The following PTPRG variants were observed in gnomAD, a reference collection of about 807,000 sequenced individuals.
The protein encoded by PTPRG is receptor-type tyrosine-protein phosphatase gamma.
PTPRG carries 102 observed loss-of-function variants against 165.3 expected under a neutral mutation model. The ratio of observed to expected loss-of-function variants is 0.62; its 90% CI spans 0.53 to 0.73. The LOEUF (loss-of-function observed/expected upper bound fraction) is 0.73. Ranked by LOEUF, PTPRG falls within the 30% of genes least tolerant of loss-of-function variation. The pLI, the probability that PTPRG is intolerant of heterozygous loss-of-function variation, is 0.00. For missense variants in PTPRG, 1,866 were observed against 1,861.4 expected, an observed-to-expected ratio of 1.00 and a Z score of -0.05; for synonymous variants, 675 against 669.5, an observed-to-expected ratio of 1.01 and a Z score of -0.13.
At chr3:61,899,999 C>T (rs2038457671) in intron 2 of PTPRG, among the ~76,000 whole-genome samples, 1 of 152,208 alleles carries the variant, frequency 6.6e-6, no homozygotes, top group Non-Finnish European at 1.5e-5. Context: ...CTGCAAAGCA[C>T]TTTGCAAATA....
intron 1 of PTPRG, among the ~76,000 whole-genome samples, chr3:61,745,299 G>C (rs1466227507): frequency 6.6e-6 from 1 of 151,994 alleles, no homozygotes; most frequent in Non-Finnish European, 1.5e-5. Context: ...CGCCCACCTT[G>C]GCCTCCCAAA....
chr3:62,074,352 C>CTTTCTT lies in PTPRG; in HGVS notation c.520-3808_520-3807insCTTTTT, dbSNP rs1701310935. On this transcript the variant is annotated intron_variant, in intron 4 of 29. Coordinates refer to ENST00000474889, the MANE Select transcript of PTPRG (RefSeq NM_002841.4). ...TTTTTTCCTTTCTTTTCTTTTCTTTCTTTTTTTTTTTTTTTTTTTTTGAGA... is the reference window on the plus strand; with the variant it reads ...TTTTTTCCTTTCTTTTCTTTTCTTTCTTTCTTTTTTTTTTTTTTTTTTTTTTTGAGA... Among the ~76,000 whole-genome samples the CTTTCTT allele has an allele frequency of 7.1e-4, 77 of 109,120 alleles. 2 individuals carry two copies. The highest frequency in any genetic ancestry group is 2.6e-3 in the African/African-American group (68 of 26,120). 71.6% of individuals were successfully genotyped at this position (109,120 alleles called of 152,430 possible).
chr3:61,915,144 G>A (rs983172724), intron 2 of PTPRG, among the ~76,000 whole-genome samples: 4 of 152,200 alleles, frequency 2.6e-5, no homozygotes, highest in Admixed American at 1.3e-4. Flanking sequence ...CAGGAGAATC[G>A]CTTGAACCCA....
intron 5 of PTPRG, among the ~76,000 whole-genome samples, chr3:62,095,183 A>G (rs80018356): frequency 0.01 from 1,539 of 152,306 alleles, 20 homozygotes; most frequent in African/African-American, 0.035. Flanking sequence ...AGCACGGTGT[A>G]CCATCACCAG....
At chr3:62,129,376 CT>C (rs1703431668) in intron 5 of PTPRG, among the ~76,000 whole-genome samples, 1 of 152,108 alleles carries the variant, frequency 6.6e-6, no homozygotes, top group South Asian at 2.1e-4. Context: ...CTGTCGTAGT[CT>C]TTTTTGTGCT....
intron 3 of PTPRG, 41 bp downstream of exon 3, chr3:61,989,845 A>G (rs759335489): frequency 1.9e-6 from 3 of 1,603,338 alleles, no homozygotes; most frequent in African/African-American, 2.7e-5. Context: ...AGCAACAGGA[A>G]CTATTTTTGG....
intron 2 of PTPRG, among the ~76,000 whole-genome samples, chr3:61,802,335 G>A (rs979244227): frequency 2.0e-5 from 3 of 152,068 alleles, no homozygotes; most frequent in African/African-American, 7.2e-5. Flanking sequence ...TCCAGAGATG[G>A]CAAAATAGAG....
intron 4 of PTPRG, among the ~76,000 whole-genome samples, chr3:62,045,076 A>G (rs911120152): frequency 3.3e-5 from 5 of 152,200 alleles, no homozygotes; most frequent in Admixed American, 2.6e-4. Flanking sequence ...CAGCCATTTC[A>G]TGAAACTCAT....
Position 61,841,506 on chromosome 3 carries a change from CTT to C in PTPRG, c.190+92527_190+92528del, listed in dbSNP as rs546800689. Among the ~76,000 whole-genome samples the C allele has an allele frequency of 4.6e-3, 701 of 152,300 alleles. 3 individuals are homozygous for C. The highest frequency in any genetic ancestry group is 7.8e-3 in the Non-Finnish European group (531 of 68,024). ...ACTAACAGGAGGTACAAAGTGGACT[CTT>C]TTCAAACCTTTTTATTGAATCCGTT... On this transcript the variant is annotated intron_variant, in intron 2 of 29. Transcript: ENST00000474889.
At chr3:61,669,347 G>A (rs999231267) in intron 1 of PTPRG, among the ~76,000 whole-genome samples, 1 of 151,872 alleles carries the variant, frequency 6.6e-6, no homozygotes, top group African/African-American at 2.4e-5. Flanking sequence ...TCCAAATACT[G>A]TAATGTGCTT....
At position 61,742,791 on chromosome 3, in the gene PTPRG, C is replaced by T. The variant is rs949327175; in HGVS notation, c.86-6087C>T. 3.7e-6 allele frequency: 6 copies of T among 1,610,554 alleles called. No individual in the cohort carries two copies. In the South Asian group the frequency reaches 5.5e-5, roughly 15 times the overall value. On this transcript the variant is annotated intron_variant, in intron 1 of 29. Coordinates refer to ENST00000474889, the MANE Select transcript of PTPRG (RefSeq NM_002841.4). ...ACTCTGAGGCCAAAAACGCATCATA[C>T]TTCTTGGCCAGCTTCTTGACCAGTT...
chr3:62,179,563 G>A (rs1456148034), intron 8 of PTPRG, among the ~76,000 whole-genome samples: 1 of 152,220 alleles, frequency 6.6e-6, no homozygotes, highest in South Asian at 2.1e-4. Context: ...TGAAAACTTG[G>A]TTTTCACCCA....
At chr3:62,015,294 A>G (rs2041515365) in intron 4 of PTPRG, among the ~76,000 whole-genome samples, 1 of 152,134 alleles carries the variant, frequency 6.6e-6, no homozygotes, top group Non-Finnish European at 1.5e-5. Context: ...CAGAGGCAGG[A>G]ACCCGGGGCT....
intron 3 of PTPRG, among the ~76,000 whole-genome samples, chr3:61,999,417 A>G (rs1253293839): frequency 6.6e-6 from 1 of 152,118 alleles, no homozygotes; most frequent in Non-Finnish European, 1.5e-5. Context: ...ATCACCTCCC[A>G]AAGGCCCTGA....
rs190316598 is a variant in PTPRG, at chr3:61,724,162, G to A, written c.86-24716G>A. 2.0e-3 allele frequency among the ~76,000 whole-genome samples: 295 copies of A among 145,932 alleles called. 2 individuals are homozygous for A. Among genetic ancestry groups the A allele is most frequent in the African/African-American group, 7.5e-3 (289 of 38,748 alleles). ...GCACTGGAGGGGGAGGTTGCAGTGA[G>A]CTGAGATCATGCCACTGTACTCCAG... is the stretch of plus-strand genomic sequence containing the variant. On this transcript the variant is annotated intron_variant, in intron 1 of 29. Coordinates refer to ENST00000474889, the MANE Select transcript of PTPRG (RefSeq NM_002841.4).
rs973840788 is a variant in PTPRG, at chr3:61,561,986, C to T, written c.-302C>T. On this transcript the variant is annotated 5_prime_UTR_variant, in exon 1 of 30. Coordinates refer to ENST00000474889, the MANE Select transcript of PTPRG (RefSeq NM_002841.4). ...CTGCCCCAGGCCCGGGGCATCGCCG[C>T]CGGCCGCCGACTCCGCGCCCTGCCC... The T allele has an allele frequency of 4.0e-6, 1 of 248,454 alleles. No individual in the cohort carries two copies. The highest frequency in any genetic ancestry group is 7.6e-6 in the Non-Finnish European group (1 of 131,758). The allele number at this position is 248,454 out of a possible 1,614,324, so 15.4% of individuals were successfully genotyped here.
intron 1 of PTPRG, among the ~76,000 whole-genome samples, chr3:61,574,772 T>A (rs185246008): frequency 5.9e-5 from 9 of 152,314 alleles, no homozygotes; most frequent in Admixed American, 5.2e-4. Context: ...TGAGGGCTTT[T>A]GTGCTGCATC....
At chr3:61,625,864 C>A (rs1701593041) in intron 1 of PTPRG, among the ~76,000 whole-genome samples, 1 of 152,202 alleles carries the variant, frequency 6.6e-6, no homozygotes, top group Admixed American at 6.5e-5. Context: ...GCAGAACTTA[C>A]TCCATTTAAA....
chr3:62,136,592 C>T (rs1316769949), intron 6 of PTPRG, among the ~76,000 whole-genome samples: 3 of 152,168 alleles, frequency 2.0e-5, no homozygotes, highest in African/African-American at 7.2e-5. Flanking sequence ...CCACCTAAAT[C>T]TCATCTTGAA....
Sources: allele counts gnomAD v4.1 joint callset (sites outside exome capture counted in the v4.1 genomes callset), GRCh38; gene constraint gnomAD v4.1.1; transcripts MANE v1.5; gene names NCBI Gene and HGNC (gene_info 2026-07-23, HGNC 2026-07-21).